The following ZNF385D variants were observed in gnomAD, a reference collection of about 807,000 sequenced individuals.
ZNF385D encodes zinc finger protein 659.
In ZNF385D, 15 loss-of-function variants were observed where a neutral mutation model predicts 35.8. That is an observed-to-expected ratio of 0.42 (90% CI 0.28 to 0.64). ZNF385D has a LOEUF of 0.64. Among genes scored for constraint, ZNF385D ranks in the 30% least tolerant of loss-of-function variants. The probability of loss-of-function intolerance (pLI) is 0.23; values close to 1 mark genes in which losing one functional copy is unlikely to be tolerated. For missense variants in ZNF385D, 474 were observed against 494.6 expected (o/e 0.96, Z 0.39); for synonymous variants, 212 against 186.8 (o/e 1.13, Z -1.10).
intron 3 of ZNF385D, among the ~76,000 whole-genome samples, chr3:21,931,027 T>C (rs964814902): frequency 6.6e-6 from 1 of 152,010 alleles, no homozygotes; most frequent in Non-Finnish European, 1.5e-5. Context: ...AAATGCCAAG[T>C]CATATAAGGG....
intron 3 of ZNF385D, among the ~76,000 whole-genome samples, chr3:21,800,128 T>A (rs1296230573): frequency 1.3e-5 from 2 of 152,232 alleles, no homozygotes; most frequent in African/African-American, 4.8e-5. Flanking sequence ...AGTACCATAC[T>A]GCTTTGATTT....
At chr3:22,360,869 T>C (rs2125511691) in intron 2 of ZNF385D, among the ~76,000 whole-genome samples, 1 of 152,146 alleles carries the variant, frequency 6.6e-6, no homozygotes, top group Non-Finnish European at 1.5e-5. Flanking sequence ...GGGCGATCAC[T>C]CAGTTGGCAC....
intron 3 of ZNF385D, among the ~76,000 whole-genome samples, chr3:21,946,197 C>G (rs889042983): frequency 6.6e-6 from 1 of 152,038 alleles, no homozygotes; most frequent in Non-Finnish European, 1.5e-5. Flanking sequence ...AGAAAGAGAA[C>G]TTTTCTCTTT....
rs71044967 is a variant in ZNF385D at position 22,030,256 on chromosome 3, CATATATATATATATATATATAT to C, written c.325+138539_325+138560del. Among the ~76,000 whole-genome samples, 57 of 21,734 alleles carry C rather than the reference CATATATATATATATATATATAT, an allele frequency of 2.6e-3. 3 individuals carry two copies. Among genetic ancestry groups the C allele is most frequent in the South Asian group, 0.014 (7 of 510 alleles). 14.3% of individuals were successfully genotyped at this position (21,734 alleles called of 152,430 possible). A position where few individuals can be genotyped will look rare whatever the true frequency, so the allele number is the denominator to read the frequency against. ...CAAGTTAATACTTAATAAACTCATT[CATATATATATATATATATATAT>C]ATATATATATATATATATATATATC... On this transcript the variant is annotated intron_variant, in intron 3 of 5. Coordinates refer to the ZNF385D transcript ENST00000494108.
Position 22,165,790 on chromosome 3 carries a change from T to C in ZNF385D, c.325+3027A>G, listed in dbSNP as rs147417779. On this transcript the variant is annotated intron_variant, in intron 3 of 5. Transcript: ENST00000494108. The stretch of plus-strand genomic sequence containing the variant: ...AACCACACTGAATTCTTGGCAACTC[T>C]TGCCTCAACACAACCCAATCCCACA... Among the ~76,000 whole-genome samples the C allele has an allele frequency of 2.9e-3, 441 of 152,274 alleles. 1 individual carries two copies. The highest frequency in any genetic ancestry group is 0.01 in the African/African-American group (423 of 41,556).
intron 3 of ZNF385D, among the ~76,000 whole-genome samples, chr3:22,076,056 GTC>G: frequency 6.6e-6 from 1 of 151,960 alleles, no homozygotes; most frequent in South Asian, 2.1e-4. Context: ...TACCAACTGA[GTC>G]TAAACTACTG....
At chr3:22,186,214 G>C (rs1267651784) in intron 2 of ZNF385D, among the ~76,000 whole-genome samples, 1 of 152,076 alleles carries the variant, frequency 6.6e-6, no homozygotes, top group African/African-American at 2.4e-5. Context: ...ATTAATCTTT[G>C]AAATCAATAC....
At chr3:22,225,460 G>A (rs983705943) in intron 2 of ZNF385D, among the ~76,000 whole-genome samples, 2 of 152,158 alleles carry the variant, frequency 1.3e-5, no homozygotes, top group Admixed American at 1.3e-4. Flanking sequence ...ACTGAAAGCA[G>A]CTTTCAACCA....
chr3:22,344,117 T>C (rs1160777558), intron 2 of ZNF385D, among the ~76,000 whole-genome samples: 4 of 151,578 alleles, frequency 2.6e-5, no homozygotes, highest in Admixed American at 1.3e-4. Context: ...TGACAAACCG[T>C]TCCATTTGGC....
rs931521289 is a variant in ZNF385D at position 21,437,297 on chromosome 3, A to G, written c.440-94T>C. ...ATCATGAATATTGCATTCTGCTTATAATGATAAGAGCAGCTAGCAATTGCT... is the reference window on the plus strand; with the variant it reads ...ATCATGAATATTGCATTCTGCTTATGATGATAAGAGCAGCTAGCAATTGCT... On this transcript the variant is annotated intron_variant, in intron 4 of 7. Transcript: ENST00000281523. 8 of 1,218,600 alleles carry G rather than the reference A, an allele frequency of 6.6e-6. No homozygotes were observed. The Admixed American group carries it at 2.1e-4, about 32-fold the overall frequency. 75.5% of individuals were successfully genotyped at this position (1,218,600 alleles called of 1,614,324 possible). A position where few individuals can be genotyped will look rare whatever the true frequency, so the allele number is the denominator to read the frequency against.
In ZNF385D at chr3:22,232,113, A is replaced by G. The variant is rs141535523; in HGVS notation, c.107-63078T>C. Among the ~76,000 whole-genome samples, 232 of 152,278 alleles carry G rather than the reference A, an allele frequency of 1.5e-3. 1 individual carries two copies. The highest frequency in any genetic ancestry group is 5.2e-3 in the African/African-American group (218 of 41,564). Reference sequence around the variant, plus strand: ...CAGTCTTAGGTATTTCTTTATAGCAATGCAAGAATGGATACTCTGGCATGC... The same window carrying G: ...CAGTCTTAGGTATTTCTTTATAGCAGTGCAAGAATGGATACTCTGGCATGC... On this transcript the variant is annotated intron_variant, in intron 2 of 5. Coordinates refer to the ZNF385D transcript ENST00000494108.
At chr3:22,240,452 A>C (rs966290148) in intron 2 of ZNF385D, among the ~76,000 whole-genome samples, 4 of 151,014 alleles carry the variant, frequency 2.6e-5, no homozygotes, top group African/African-American at 9.8e-5. Context: ...TCCAGCCTAC[A>C]TCATGTTTAG....
In ZNF385D at chr3:21,549,488, T is replaced by C. The variant is rs543272976; in HGVS notation, c.276+15086A>G. On this transcript the variant is annotated intron_variant, in intron 3 of 7. Transcript: ENST00000281523. ...GTTAGGAACTAGCAAGGTTGTGAGATAAAATGTGTCCCAAATGCCAACTCA... is the reference window on the plus strand; with the variant it reads ...GTTAGGAACTAGCAAGGTTGTGAGACAAAATGTGTCCCAAATGCCAACTCA... Among the ~76,000 whole-genome samples the C allele has an allele frequency of 1.4e-3, 217 of 152,276 alleles. 1 individual carries two copies. In the Middle Eastern group the frequency reaches 0.017, roughly 12 times the overall value.
chr3:22,230,454 G>A (rs886472824), intron 2 of ZNF385D, among the ~76,000 whole-genome samples: 1 of 152,000 alleles, frequency 6.6e-6, no homozygotes, highest in Non-Finnish European at 1.5e-5. Context: ...TTAGTTCCCC[G>A]ATTCTGAGGG....
chr3:21,560,803 CCT>C (rs1241156818), intron 3 of ZNF385D, among the ~76,000 whole-genome samples: 4 of 152,164 alleles, frequency 2.6e-5, no homozygotes, highest in African/African-American at 9.7e-5. Flanking sequence ...TCTATAAGCC[CCT>C]GACTGGGGCT....
chr3:21,923,606 C>G (rs1394078683), intron 3 of ZNF385D, among the ~76,000 whole-genome samples: 1 of 152,134 alleles, frequency 6.6e-6, no homozygotes, highest in African/African-American at 2.4e-5. Context: ...TGGAATCAAC[C>G]TAGGTGTTTA....
At chr3:22,304,991 C>T (rs1703126407) in intron 2 of ZNF385D, among the ~76,000 whole-genome samples, 1 of 151,994 alleles carries the variant, frequency 6.6e-6, no homozygotes, top group Non-Finnish European at 1.5e-5. Context: ...GTCAATTTTG[C>T]TTTTTATTAT....
intron 3 of ZNF385D, among the ~76,000 whole-genome samples, chr3:21,520,316 A>C (rs1439690888): frequency 6.6e-6 from 1 of 152,164 alleles, no homozygotes; most frequent in Non-Finnish European, 1.5e-5. Flanking sequence ...AGAGAGGAAG[A>C]CCTGATATTA....
At chr3:22,201,270 G>A (rs1696779895) in intron 2 of ZNF385D, among the ~76,000 whole-genome samples, 1 of 152,062 alleles carries the variant, frequency 6.6e-6, no homozygotes, top group Non-Finnish European at 1.5e-5. Flanking sequence ...CCCTTCATTT[G>A]GGGTCCCTGA....
Sources: gnomAD v4.1 joint callset for allele counts (sites outside exome capture counted in the v4.1 genomes callset) on GRCh38, gnomAD v4.1.1 for gene constraint, MANE v1.5 for transcripts, NCBI Gene and HGNC (gene_info 2026-07-23, HGNC 2026-07-21) for gene names.